Variants in ROCK1 observed in about 807,000 individuals in gnomAD.
The protein encoded by ROCK1 is rho-associated protein kinase 1.
A neutral mutation model predicts 196.8 loss-of-function variants in ROCK1; 36 were observed. That is an observed-to-expected ratio of 0.18 (90% CI 0.14 to 0.24). The LOEUF is 0.24. ROCK1 is among the 10% of genes least tolerant of loss of function. The probability of loss-of-function intolerance (pLI) is 1.00; values close to 1 mark genes in which losing one functional copy is unlikely to be tolerated. For synonymous variants in ROCK1, 443 were observed against 515.9 expected (o/e 0.86, Z 1.91); for missense variants, 920 against 1,562.0 (o/e 0.59, Z 6.93).
intron 20 of ROCK1, 150 bp downstream of exon 20, chr18:20,984,201 T>G: frequency 5.0e-6 from 3 of 598,720 alleles, no homozygotes; most frequent in Middle Eastern, 4.6e-4. Flanking sequence ...CTGAAAACCT[T>G]TGCAAGTAAA....
intron 2 of ROCK1, among the ~76,000 whole-genome samples, chr18:21,069,630 A>G (rs1285828278): frequency 6.6e-6 from 1 of 152,072 alleles, no homozygotes; most frequent in South Asian, 2.1e-4. Context: ...TTTACCCCTT[A>G]TCTACACCAT....
intron 1 of ROCK1, among the ~76,000 whole-genome samples, chr18:21,101,753 A>G (rs1166170372): frequency 6.6e-5 from 10 of 152,204 alleles, no homozygotes; most frequent in African/African-American, 2.4e-4. Flanking sequence ...AAGCAACTGT[A>G]AAATAGACAC....
chr18:20,960,007 T>A, intron 28 of ROCK1, 79 bp from the exon 29 acceptor site: 1 of 1,049,580 alleles, frequency 9.5e-7, no homozygotes, highest in Non-Finnish European at 1.5e-6. Context: ...TATTTGCCAC[T>A]AATATCTAGA....
chr18:21,038,836 G>C (rs2036080703), intron 9 of ROCK1, among the ~76,000 whole-genome samples: 1 of 152,192 alleles, frequency 6.6e-6, no homozygotes, highest in Admixed American at 6.5e-5. Context: ...AACCTTTGGT[G>C]TCATGATAAT....
chr18:21,019,818 C>T (rs1451156127), intron 12 of ROCK1, among the ~76,000 whole-genome samples: 2 of 149,716 alleles, frequency 1.3e-5, no homozygotes, highest in Non-Finnish European at 3.0e-5. Context: ...AAAAAGAATA[C>T]TGCTTTACTT....
chr18:21,071,284 T>C (rs1377454599), intron 1 of ROCK1, among the ~76,000 whole-genome samples: 1 of 149,752 alleles, frequency 6.7e-6, no homozygotes, highest in Non-Finnish European at 1.5e-5. Context: ...GCTCAAGCCA[T>C]CTTCCTGCCT....
rs1356089378 is a variant in ROCK1, at chr18:20,950,082, T to A, written c.*1302A>T. On this transcript the variant is annotated 3_prime_UTR_variant, in exon 33 of 33. Coordinates refer to ENST00000399799, the MANE Select transcript of ROCK1 (RefSeq NM_005406.3). Reference sequence around the variant, plus strand: ...GCCATTATAAATTACTGAGGAGGTATTTGGTTAAAAAAATAAACAATAAAT... The same window carrying A: ...GCCATTATAAATTACTGAGGAGGTAATTGGTTAAAAAAATAAACAATAAAT... 6.6e-6 allele frequency: 1 copy of A among 152,664 alleles called. No homozygotes were observed. The highest frequency in any genetic ancestry group is 1.5e-5 in the Non-Finnish European group (1 of 68,052). The allele number at this position is 152,664 out of a possible 1,614,324, so 9.5% of individuals were successfully genotyped here.
chr18:21,089,069 G>A (rs993331098), intron 1 of ROCK1, among the ~76,000 whole-genome samples: 8 of 150,350 alleles, frequency 5.3e-5, no homozygotes, highest in Non-Finnish European at 7.4e-5. Context: ...TTTTTAAGAC[G>A]GAGTCTTGCT....
chr18:20,977,419 C>A (rs981139895), intron 22 of ROCK1, among the ~76,000 whole-genome samples: 1 of 152,202 alleles, frequency 6.6e-6, no homozygotes, highest in Non-Finnish European at 1.5e-5. Flanking sequence ...TATATTGTCC[C>A]TTGTTCCCCA....
In ROCK1 at chr18:21,111,709, G is replaced by A. The variant is rs2036754938; in HGVS notation, c.-799C>T. The A allele has an allele frequency of 6.5e-6, 1 of 153,484 alleles. No individual in the cohort carries two copies. The highest frequency in any genetic ancestry group is 6.5e-5 in the Admixed American group (1 of 15,306). The allele number at this position is 153,484 out of a possible 1,614,324, so 9.5% of individuals were successfully genotyped here. A position where few individuals can be genotyped will look rare whatever the true frequency, so the allele number is the denominator to read the frequency against. ...GGGCTGCGGTCCCAGCCGGGGAAAG[G>A]GCGAGTCGCGGCGGCGAATGCCTGG... On this transcript the variant is annotated 5_prime_UTR_variant, in exon 1 of 33. Coordinates refer to ENST00000399799, the MANE Select transcript of ROCK1 (RefSeq NM_005406.3). This position sits in a 1 kb window ranked among gnomAD's most constrained non-coding sequence, Gnocchi z 4.2.
rs200607126 is a variant in ROCK1 at position 21,040,048 on chromosome 18, G to C, written c.960-485C>G. 2.4e-4 allele frequency among the ~76,000 whole-genome samples: 37 copies of C among 152,252 alleles called. No individual in the cohort carries two copies. The East Asian group carries it at 5.8e-3, about 24-fold the overall frequency. On this transcript the variant is annotated intron_variant, in intron 8 of 32. Coordinates refer to ENST00000399799, the MANE Select transcript of ROCK1 (RefSeq NM_005406.3). Reference sequence around the variant, plus strand: ...CTCCAGCCTGGATGAAACACAGCGAGACTCCGTCTCAAAAAAAAGAAAACT... The same window carrying C: ...CTCCAGCCTGGATGAAACACAGCGACACTCCGTCTCAAAAAAAAGAAAACT...
intron 2 of ROCK1, among the ~76,000 whole-genome samples, chr18:21,050,316 T>G (rs1487467335): frequency 6.6e-6 from 1 of 150,836 alleles, no homozygotes; most frequent in Non-Finnish European, 1.5e-5. Context: ...AAAAAAGATG[T>G]AATTTAAGAT....
chr18:20,980,847 G>A (rs1273817430), intron 21 of ROCK1, among the ~76,000 whole-genome samples: 1 of 150,610 alleles, frequency 6.6e-6, no homozygotes. Context: ...ACCCAGGAGT[G>A]GGAGGTTGCA....
intron 1 of ROCK1, among the ~76,000 whole-genome samples, chr18:21,087,761 T>C (rs573699197): frequency 2.8e-4 from 42 of 152,328 alleles, no homozygotes; most frequent in Non-Finnish European, 3.7e-4. Context: ...TAAAAATTGA[T>C]AGAACTGGGC....
At chr18:21,028,406 A>G (rs1443921996) in intron 10 of ROCK1, among the ~76,000 whole-genome samples, 2 of 151,880 alleles carry the variant, frequency 1.3e-5, no homozygotes. Flanking sequence ...ACAGAGCAAG[A>G]CTCCATCGTG....
chr18:21,109,212 G>C (rs1442276102), intron 1 of ROCK1, among the ~76,000 whole-genome samples: 1 of 152,132 alleles, frequency 6.6e-6, no homozygotes, highest in Non-Finnish European at 1.5e-5. Context: ...TGTGAGACAA[G>C]GTTTTGTCTT....
chr18:21,069,687 A>G (rs1363555212), intron 2 of ROCK1, among the ~76,000 whole-genome samples: 2 of 152,066 alleles, frequency 1.3e-5, no homozygotes, highest in Non-Finnish European at 2.9e-5. Flanking sequence ...AAGCCTCTCC[A>G]TCTTTTTAGT....
intron 2 of ROCK1, among the ~76,000 whole-genome samples, chr18:21,051,551 G>T (rs184138568): frequency 6.6e-6 from 1 of 152,330 alleles, no homozygotes; most frequent in African/African-American, 2.4e-5. Context: ...GGAGTATCAA[G>T]TTTGTAGTAA....
intron 12 of ROCK1, among the ~76,000 whole-genome samples, chr18:21,017,406 T>C (rs1368495292): frequency 4.0e-5 from 6 of 151,592 alleles, no homozygotes; most frequent in Admixed American, 3.3e-4. Context: ...TGAGCCAGGA[T>C]GTCTTGATCT....
Sources: gnomAD v4.1 joint callset for allele counts (sites outside exome capture counted in the v4.1 genomes callset) on GRCh38, gnomAD v4.1.1 for gene constraint, Gnocchi (gnomAD v3.1) non-coding constraint, MANE v1.5 for transcripts, NCBI Gene and HGNC (gene_info 2026-07-23, HGNC 2026-07-21) for gene names.